Variants in NSUN2 observed in about 807,000 individuals in gnomAD.
The protein encoded by NSUN2 is RNA cytosine C(5)-methyltransferase NSUN2.
Under a neutral mutation model 92.7 loss-of-function variants are expected in NSUN2, and 63 were observed. That is an observed-to-expected ratio of 0.68 (90% CI 0.56 to 0.84). The LOEUF (loss-of-function observed/expected upper bound fraction) is 0.84. Among genes scored for constraint, NSUN2 ranks in the 40% least tolerant of loss-of-function variants. NSUN2 has a pLI of 0.00. For missense variants in NSUN2, 989 were observed against 964.9 expected, an observed-to-expected ratio of 1.02 and a Z score of -0.33; for synonymous variants, 356 against 348.3, an observed-to-expected ratio of 1.02 and a Z score of -0.25.
chr5:6,601,010 C>G (rs1736532089), intron 18 of NSUN2, among the ~76,000 whole-genome samples: 1 of 151,564 alleles, frequency 6.6e-6, no homozygotes, highest in East Asian at 1.9e-4. Context: ...CTCAACTTAT[C>G]TGATTTCTTT....
intron 15 of NSUN2, chr5:6,605,013 G>C (rs562047221): frequency 1.0e-5 from 6 of 596,104 alleles, no homozygotes; most frequent in Admixed American, 3.1e-5. Context: ...CGAGCTGTGA[G>C]AACTACACCA....
Position 6,611,028 on chromosome 5 carries a change from G to A in NSUN2, c.1153C>T (p.His385Tyr). 6.2e-7 allele frequency: 1 copy of A among 1,614,146 alleles called. No individual in the cohort carries two copies. Among genetic ancestry groups the A allele is most frequent in the Non-Finnish European group, 8.5e-7 (1 of 1,180,032 alleles). The change falls in exon 11 of 19, where the codon CAC becomes TAC. Residue 385 changes from histidine (H) to tyrosine (Y), a missense_variant. By Grantham distance (83) the His-to-Tyr change is moderately conservative. Coordinates refer to ENST00000264670, the MANE Select transcript of NSUN2 (RefSeq NM_017755.6). Reference protein sequence around the residue: ...TDWDAVPHSRHTQIRPTMFPP... With the variant: ...TDWDAVPHSRYTQIRPTMFPP... ...AACATGGTAGGTCGGATCTGGGTGTGTCTGCTGTGAGGAACAGCGTCCCAG... is the reference window on the plus strand; with the variant it reads ...AACATGGTAGGTCGGATCTGGGTGTATCTGCTGTGAGGAACAGCGTCCCAG...
chr5:6,603,102 A>T (rs1158299309), intron 17 of NSUN2, among the ~76,000 whole-genome samples: 4 of 152,268 alleles, frequency 2.6e-5, no homozygotes, highest in Non-Finnish European at 4.4e-5. Context: ...CGTACTTTTG[A>T]TCAAATTGAG....
In NSUN2 at chr5:6,599,867, G is replaced by T; in HGVS notation, c.*59C>A. The T allele has an allele frequency of 3.3e-6, 5 of 1,499,238 alleles. No homozygotes were observed. The highest frequency in any genetic ancestry group is 2.4e-5 in the South Asian group (2 of 84,452). 92.9% of individuals were successfully genotyped at this position (1,499,238 alleles called of 1,614,324 possible). A position where few individuals can be genotyped will look rare whatever the true frequency, so the allele number is the denominator to read the frequency against. ...TCTGGATTTGGTTTCAGACACCAGT[G>T]ACCAGAAGAAGCCAGTTTTGCGTGT... On this transcript the variant is annotated 3_prime_UTR_variant, in exon 19 of 19. Transcript: ENST00000264670.
In NSUN2 at chr5:6,599,799, T is replaced by G; in HGVS notation, c.*127A>C. On this transcript the variant is annotated 3_prime_UTR_variant, in exon 19 of 19. Transcript: ENST00000264670. ...CAGAAGGCTCCTATGATCCCACCAG[T>G]CTGCAGTCATTAGAAATATATGCTT... 1 of 779,992 alleles carries G rather than the reference T, an allele frequency of 1.3e-6. No homozygotes were observed. Among genetic ancestry groups the G allele is most frequent in the Non-Finnish European group, 2.1e-6 (1 of 472,454 alleles). 48.3% of individuals were successfully genotyped at this position (779,992 alleles called of 1,614,324 possible).
chr5:6,616,230 A>C (rs566984993), intron 9 of NSUN2, among the ~76,000 whole-genome samples: 7 of 152,378 alleles, frequency 4.6e-5, no homozygotes, highest in African/African-American at 1.7e-4. Context: ...GGCTCACAAC[A>C]GCCAAAAAGT....
intron 18 of NSUN2, among the ~76,000 whole-genome samples, chr5:6,600,915 CT>C (rs1287556913): frequency 6.6e-6 from 1 of 152,210 alleles, no homozygotes; most frequent in African/African-American, 2.4e-5. Context: ...GCCTCCCTAC[CT>C]TCCAGGCTCC....
At chr5:6,627,219 T>C (rs888476902) in intron 3 of NSUN2, among the ~76,000 whole-genome samples, 3 of 152,224 alleles carry the variant, frequency 2.0e-5, no homozygotes, top group East Asian at 1.9e-4. Context: ...TTTTAAATAA[T>C]CTTTTGGACT....
chr5:6,614,111 A>G (rs1242131087), intron 9 of NSUN2, among the ~76,000 whole-genome samples: 1 of 90,912 alleles, frequency 1.1e-5, no homozygotes, highest in African/African-American at 4.2e-5. Flanking sequence ...AAAAAAAAAA[A>G]AAAAAAAAAA....
chr5:6,623,388 T>A, intron 4 of NSUN2, 103 bp from the exon 5 acceptor site: 1 of 937,674 alleles, frequency 1.1e-6, no homozygotes, highest in Non-Finnish European at 1.6e-6. Context: ...AAACAGCACA[T>A]AATCTTATAC....
intron 5 of NSUN2, among the ~76,000 whole-genome samples, chr5:6,622,628 G>A (rs1318323522): frequency 1.3e-5 from 2 of 152,008 alleles, no homozygotes; most frequent in South Asian, 2.1e-4. Context: ...CAGGCGGATC[G>A]CCTGAGGTCG....
chr5:6,605,060 A>G, intron 15 of NSUN2: 1 of 667,416 alleles, frequency 1.5e-6, no homozygotes, highest in Non-Finnish European at 2.5e-6. Flanking sequence ...CACAGAAAAG[A>G]CACAGGCCAC....
intron 3 of NSUN2, among the ~76,000 whole-genome samples, chr5:6,628,241 G>A (rs1737731601): frequency 6.6e-6 from 1 of 152,110 alleles, no homozygotes; most frequent in African/African-American, 2.4e-5. Flanking sequence ...CCAGCTACCT[G>A]GGACGCTGAG....
At chr5:6,616,246 A>C (rs1737207921) in intron 9 of NSUN2, among the ~76,000 whole-genome samples, 1 of 152,256 alleles carries the variant, frequency 6.6e-6, no homozygotes, top group Non-Finnish European at 1.5e-5. Flanking sequence ...AAAGTGGAAG[A>C]AACCCAGATG....
At chr5:6,604,470 T>C in intron 16 of NSUN2, 135 bp downstream of exon 16, 1 of 958,478 alleles carries the variant, frequency 1.0e-6, no homozygotes, top group South Asian at 1.4e-5. Flanking sequence ...CTATAACCTG[T>C]GAGGGTCAAG....
In NSUN2 at chr5:6,599,775, A is replaced by G. The variant is rs570370660; in HGVS notation, c.*151T>C. The G allele has an allele frequency of 1.3e-5, 9 of 688,506 alleles. No homozygotes were observed. Among genetic ancestry groups the G allele is most frequent in the Admixed American group, 9.4e-5 (4 of 42,424 alleles). The allele number at this position is 688,506 out of a possible 1,614,324, so 42.6% of individuals were successfully genotyped here. A position where few individuals can be genotyped will look rare whatever the true frequency, so the allele number is the denominator to read the frequency against. On this transcript the variant is annotated 3_prime_UTR_variant, in exon 19 of 19. Coordinates refer to ENST00000264670, the MANE Select transcript of NSUN2 (RefSeq NM_017755.6). Reference sequence around the variant, plus strand: ...CCAAAGAAAGCAGTCCTGGTCATTCAGAAGGCTCCTATGATCCCACCAGTC... The same window carrying G: ...CCAAAGAAAGCAGTCCTGGTCATTCGGAAGGCTCCTATGATCCCACCAGTC...
chr5:6,607,395 G>T lies in NSUN2; in HGVS notation c.1324-11C>A. The T allele has an allele frequency of 6.3e-7, 1 of 1,598,660 alleles. No homozygotes were observed. Among genetic ancestry groups the T allele is most frequent in the Non-Finnish European group, 8.5e-7 (1 of 1,169,986 alleles). ...AGATTTACCCTGAAGCTGTCATAAA[G>T]AACAATTTCATTGACACACAAAGAG... is the stretch of plus-strand genomic sequence containing the variant. On this transcript the variant is annotated splice_polypyrimidine_tract_variant and intron_variant, in intron 12 of 18. Coordinates refer to ENST00000264670, the MANE Select transcript of NSUN2 (RefSeq NM_017755.6).
chr5:6,624,371 G>T (rs931229807), intron 4 of NSUN2, among the ~76,000 whole-genome samples: 1 of 152,112 alleles, frequency 6.6e-6, no homozygotes, highest in Non-Finnish European at 1.5e-5. Flanking sequence ...TTCATCTCAA[G>T]AGCTCTCATC....
chr5:6,606,389 T>C (rs1256812966), intron 14 of NSUN2, among the ~76,000 whole-genome samples: 1 of 152,198 alleles, frequency 6.6e-6, no homozygotes, highest in African/African-American at 2.4e-5. Context: ...GTTCACGCCA[T>C]TCTCCTGCCT....
Sources: gnomAD v4.1 joint callset for allele counts (sites outside exome capture counted in the v4.1 genomes callset) on GRCh38, gnomAD v4.1.1 for gene constraint, MANE v1.5 for transcripts, NCBI Gene and HGNC (gene_info 2026-07-23, HGNC 2026-07-21) for gene names.